The following FAF1 variants were observed in gnomAD, a reference collection of about 807,000 sequenced individuals.
The protein encoded by FAF1 is Fas associated factor 1.
FAF1 carries 25 observed loss-of-function variants against 92.5 expected under a neutral mutation model. The observed-to-expected ratio is 0.27, with a 90% CI of 0.20 to 0.38. FAF1 has a LOEUF of 0.38. Ranked by LOEUF, FAF1 falls within the 10% of genes least tolerant of loss-of-function variation. FAF1 has a pLI of 1.00. For missense variants in FAF1, 636 were observed against 793.3 expected, an observed-to-expected ratio of 0.80 and a Z score of 2.38; for synonymous variants, 234 against 273.2, an observed-to-expected ratio of 0.86 and a Z score of 1.42.
chr1:50,867,713 C>A (rs1644493784), intron 1 of FAF1, among the ~76,000 whole-genome samples: 1 of 152,060 alleles, frequency 6.6e-6, no homozygotes, highest in South Asian at 2.1e-4. Context: ...GAAAATAGAA[C>A]ACTTTTACAC....
intron 6 of FAF1, among the ~76,000 whole-genome samples, chr1:50,719,090 G>A (rs1366889516): frequency 6.6e-6 from 1 of 152,196 alleles, no homozygotes; most frequent in African/African-American, 2.4e-5. Flanking sequence ...ATGAGCTAGG[G>A]CCTTGATGTT....
At position 50,438,134 on chromosome 1, in the gene FAF1, T is replaced by C. The variant is rs959969584; in HGVS notation, c.*3306A>G. 1.3e-5 allele frequency: 2 copies of C among 152,278 alleles called. No individual in the cohort carries two copies. Among genetic ancestry groups the C allele is most frequent in the Admixed American group, 1.3e-4 (2 of 15,296 alleles). 9.4% of individuals were successfully genotyped at this position (152,278 alleles called of 1,614,324 possible). A position where few individuals can be genotyped will look rare whatever the true frequency, so the allele number is the denominator to read the frequency against. ...CTTCTACTGACATGCTGTGTGATTT[T>C]AGGCAAGCCACTATCCTCTAAGCCC... On this transcript the variant is annotated 3_prime_UTR_variant, in exon 19 of 19. Coordinates refer to ENST00000396153, the MANE Select transcript of FAF1 (RefSeq NM_007051.3).
At chr1:50,615,719 CTTGT>C (rs1179110733) in intron 8 of FAF1, among the ~76,000 whole-genome samples, 7 of 151,848 alleles carry the variant, frequency 4.6e-5, no homozygotes, top group African/African-American at 1.2e-4. Flanking sequence ...TTGTTTTCTG[CTTGT>C]TTGTTTCAGT....
Position 50,863,123 on chromosome 1 carries a change from A to C in FAF1, c.46-5126T>G, listed in dbSNP as rs949920363. On this transcript the variant is annotated intron_variant, in intron 1 of 18. Coordinates refer to ENST00000396153, the MANE Select transcript of FAF1 (RefSeq NM_007051.3). ...AGGTCATATGGTAGGCCACAAAATG[A>C]GTTCCAATCAATTTAAGAAAATCAA... 7.2e-5 allele frequency among the ~76,000 whole-genome samples: 11 copies of C among 152,012 alleles called. No homozygotes were observed. In the South Asian group the frequency reaches 2.3e-3, roughly 31 times the overall value.
At chr1:50,904,622 A>C (rs1644820861) in intron 1 of FAF1, among the ~76,000 whole-genome samples, 1 of 152,202 alleles carries the variant, frequency 6.6e-6, no homozygotes, top group Non-Finnish European at 1.5e-5. Flanking sequence ...TACCTATGTC[A>C]TCAAAACAAA....
chr1:50,759,390 G>C (rs1426037284), intron 4 of FAF1, among the ~76,000 whole-genome samples: 1 of 147,418 alleles, frequency 6.8e-6, no homozygotes, highest in Non-Finnish European at 1.5e-5. Flanking sequence ...CTATGAGTGA[G>C]AATATGCAGT....
intron 13 of FAF1, among the ~76,000 whole-genome samples, chr1:50,555,293 A>C (rs543596371): frequency 2.1e-4 from 31 of 150,954 alleles, no homozygotes; most frequent in South Asian, 4.2e-4. Flanking sequence ...ACACACACAC[A>C]CCCCCCAAAA....
Position 50,696,665 on chromosome 1 carries a change from A to T in FAF1, c.657+9121T>A, listed in dbSNP as rs977041996. The stretch of plus-strand genomic sequence containing the variant: ...CTAAAACTGTACTGGCATTTTTTTT[A>T]AATTCTATTTTGAACTCTAAGTACA... On this transcript the variant is annotated intron_variant, in intron 7 of 18. Coordinates refer to ENST00000396153, the MANE Select transcript of FAF1 (RefSeq NM_007051.3). Among the ~76,000 whole-genome samples, 19 of 152,250 alleles carry T rather than the reference A, an allele frequency of 1.2e-4. No homozygotes were observed. In the East Asian group the frequency reaches 1.3e-3, roughly 11 times the overall value.
At chr1:50,688,477 T>C (rs1656769993) in intron 7 of FAF1, among the ~76,000 whole-genome samples, 1 of 152,196 alleles carries the variant, frequency 6.6e-6, no homozygotes, top group Admixed American at 6.5e-5. Flanking sequence ...AAACAAAATG[T>C]GGTACTTACA....
At chr1:50,565,061 G>A (rs1650112955) in intron 13 of FAF1, among the ~76,000 whole-genome samples, 1 of 151,874 alleles carries the variant, frequency 6.6e-6, no homozygotes, top group Non-Finnish European at 1.5e-5. Context: ...GGTGTCATGG[G>A]TGTTTGTTTT....
At chr1:50,442,484 G>C (rs1646180365) in intron 18 of FAF1, among the ~76,000 whole-genome samples, 2 of 152,212 alleles carry the variant, frequency 1.3e-5, no homozygotes, top group African/African-American at 4.8e-5. Flanking sequence ...GCCCAGAACA[G>C]GTGTTCCATA....
chr1:50,496,487 T>A (rs1646899962), intron 15 of FAF1, among the ~76,000 whole-genome samples: 1 of 152,168 alleles, frequency 6.6e-6, no homozygotes, highest in South Asian at 2.1e-4. Flanking sequence ...GAGATGTAAA[T>A]GATGAAGTAA....
intron 13 of FAF1, among the ~76,000 whole-genome samples, chr1:50,550,587 A>G (rs1649265299): frequency 6.6e-6 from 1 of 152,146 alleles, no homozygotes; most frequent in Admixed American, 6.5e-5. Context: ...CTCTTCCTCT[A>G]AACTTTATAC....
intron 2 of FAF1, among the ~76,000 whole-genome samples, chr1:50,834,635 CA>C (rs1474733638): frequency 6.6e-6 from 1 of 152,098 alleles, no homozygotes; most frequent in Non-Finnish European, 1.5e-5. Context: ...TCAGGATGAA[CA>C]AAGCAAATAA....
At chr1:50,811,313 T>C (rs985034218) in intron 2 of FAF1, among the ~76,000 whole-genome samples, 1 of 152,036 alleles carries the variant, frequency 6.6e-6, no homozygotes, top group African/African-American at 2.4e-5. Context: ...CACTCCAGCT[T>C]GAGTAACAGA....
At chr1:50,786,148 C>T (rs763893467) in intron 4 of FAF1, among the ~76,000 whole-genome samples, 38 of 148,264 alleles carry the variant, frequency 2.6e-4, no homozygotes, top group Admixed American at 5.4e-4. Context: ...AAAAAAAAAT[C>T]ACATTCTCAT....
rs28723373 is a variant in FAF1 at position 50,527,876 on chromosome 1, T to C, written c.1494+7493A>G. On this transcript the variant is annotated intron_variant, in intron 15 of 18. Transcript: ENST00000396153. ...CCCTCTCTCCCTCTCTCCCTCTCTC[T>C]CTCTCTCTCTCTCTGAGACAGGGTC... is the stretch of plus-strand genomic sequence containing the variant. Among the ~76,000 whole-genome samples, 18 of 131,098 alleles carry C rather than the reference T, an allele frequency of 1.4e-4. No individual in the cohort carries two copies. In the East Asian group the frequency reaches 2.5e-3, roughly 18 times the overall value. The allele number at this position is 131,098 out of a possible 152,430, so 86.0% of individuals were successfully genotyped here.
intron 4 of FAF1, among the ~76,000 whole-genome samples, chr1:50,758,537 TTAAA>T (rs1660178037): frequency 6.6e-6 from 1 of 152,222 alleles, no homozygotes; most frequent in Non-Finnish European, 1.5e-5. Context: ...CAATTCTCAT[TTAAA>T]TAAATTTAAA....
chr1:50,726,468 G>T (rs144163070), intron 6 of FAF1, among the ~76,000 whole-genome samples: 4 of 152,114 alleles, frequency 2.6e-5, no homozygotes, highest in African/African-American at 9.6e-5. Context: ...TGGCCGAGGC[G>T]GACAGATCAC....
Sources: gnomAD v4.1 joint callset for allele counts (sites outside exome capture counted in the v4.1 genomes callset) on GRCh38, gnomAD v4.1.1 for gene constraint, MANE v1.5 for transcripts, NCBI Gene and HGNC (gene_info 2026-07-23, HGNC 2026-07-21) for gene names.